The following RAP1GDS1 variants were observed in gnomAD, a reference collection of about 807,000 sequenced individuals.
RAP1GDS1 encodes the protein RAP1, GTP-GDP dissociation stimulator 1.
A neutral mutation model predicts 71.1 loss-of-function variants in RAP1GDS1; 35 were observed. The ratio of observed to expected loss-of-function variants is 0.49; its 90% confidence interval spans 0.38 to 0.65. RAP1GDS1 has a LOEUF of 0.65. Among genes scored for constraint, RAP1GDS1 ranks in the 30% least tolerant of loss-of-function variants. The pLI is 0.00. For missense variants in RAP1GDS1, 663 were observed against 706.1 expected (o/e 0.94, Z 0.69); for synonymous variants, 229 against 243.1 (o/e 0.94, Z 0.54).
intron 1 of RAP1GDS1, among the ~76,000 whole-genome samples, chr4:98,282,111 A>G (rs930780848): frequency 2.6e-5 from 4 of 152,204 alleles, no homozygotes; most frequent in Non-Finnish European, 5.9e-5. Context: ...TATCAGGATG[A>G]TGCTGGCCTC....
Position 98,442,073 on chromosome 4 carries a change from CA to C in RAP1GDS1, c.1781del (p.Gln594ArgfsTer53). ...CAGTCATGAGAACAAAAGTGTTGCC[CA>C]GCAGGCCTCTCTCACAGAGCAGAGA... ...LRSHENKSVA[Q>X]QASLTEQRLT... is the part of the protein sequence containing the mutation. On this transcript the variant is annotated frameshift_variant, in exon 15 of 15. Transcript: ENST00000408927. LOFTEE classifies it high-confidence loss of function. The C allele has an allele frequency of 6.2e-7, 1 of 1,613,928 alleles. No individual in the cohort carries two copies. The highest frequency in any genetic ancestry group is 8.5e-7 in the Non-Finnish European group (1 of 1,179,978).
At chr4:98,317,704 G>C (rs1055112721) in intron 2 of RAP1GDS1, among the ~76,000 whole-genome samples, 4 of 152,112 alleles carry the variant, frequency 2.6e-5, no homozygotes, top group African/African-American at 9.7e-5. Context: ...GGCCACAGGA[G>C]TCGTGCCTTA....
chr4:98,314,714 T>C (rs1730699795), intron 2 of RAP1GDS1, among the ~76,000 whole-genome samples: 1 of 152,136 alleles, frequency 6.6e-6, no homozygotes, highest in African/African-American at 2.4e-5. Flanking sequence ...AAGTAATATA[T>C]AAGTTTTAAT....
chr4:98,326,842 GAAGAA>G (rs1281005865), intron 2 of RAP1GDS1, among the ~76,000 whole-genome samples: 3 of 152,140 alleles, frequency 2.0e-5, no homozygotes, highest in African/African-American at 7.2e-5. Context: ...AAGGTAGGTG[GAAGAA>G]AAGACTTTTG....
rs200013590 is a variant in RAP1GDS1 at position 98,411,448 on chromosome 4, C to CAAAAA, written c.764-5290_764-5286dup. 7.5e-5 allele frequency among the ~76,000 whole-genome samples: 11 copies of CAAAAA among 146,234 alleles called. No individual in the cohort carries two copies. In the South Asian group the frequency reaches 2.2e-3, roughly 29 times the overall value. On this transcript the variant is annotated intron_variant, in intron 7 of 14. Coordinates refer to ENST00000408927, the MANE Select transcript of RAP1GDS1 (RefSeq NM_001100427.2). ...TGGGCAACACAGCAAGACCCTGTCT[C>CAAAAA]AAAAAAAAAAATTAATTAAAATTTT...
At chr4:98,286,337 A>C (rs563348451) in intron 1 of RAP1GDS1, among the ~76,000 whole-genome samples, 1 of 151,972 alleles carries the variant, frequency 6.6e-6, no homozygotes, top group Non-Finnish European at 1.5e-5. Flanking sequence ...ATCCAGACAC[A>C]ATGTATGTGA....
intron 5 of RAP1GDS1, among the ~76,000 whole-genome samples, chr4:98,389,401 T>G (rs1479741560): frequency 6.6e-6 from 1 of 152,094 alleles, no homozygotes; most frequent in African/African-American, 2.4e-5. Context: ...TATTTGAGTA[T>G]GATTATTGTT....
In RAP1GDS1 at chr4:98,360,469, G is replaced by A. The variant is rs1055893212; in HGVS notation, c.361+7868G>A. The stretch of plus-strand genomic sequence containing the variant: ...TCTAATTATAGAGGCCTACTTGGGG[G>A]TTTAAAAACATTTTTTGTCTAAATC... On this transcript the variant is annotated intron_variant, in intron 4 of 14. Transcript: ENST00000408927. Among the ~76,000 whole-genome samples the A allele has an allele frequency of 4.6e-5, 7 of 152,086 alleles. No individual in the cohort carries two copies. In the East Asian group the frequency reaches 1.4e-3, roughly 29 times the overall value.
chr4:98,349,943 A>C (rs949022391), intron 3 of RAP1GDS1, among the ~76,000 whole-genome samples: 1 of 152,240 alleles, frequency 6.6e-6, no homozygotes, highest in Non-Finnish European at 1.5e-5. Context: ...GCTGAAAAGC[A>C]AATGAGTTTT....
At chr4:98,401,961 A>G (rs1017318190) in intron 6 of RAP1GDS1, among the ~76,000 whole-genome samples, 2 of 152,226 alleles carry the variant, frequency 1.3e-5, no homozygotes, top group African/African-American at 2.4e-5. Flanking sequence ...TGATGTCTAT[A>G]TACTTTACCT....
intron 2 of RAP1GDS1, among the ~76,000 whole-genome samples, chr4:98,324,428 T>G (rs972502823): frequency 6.6e-6 from 1 of 151,682 alleles, no homozygotes; most frequent in Non-Finnish European, 1.5e-5. Flanking sequence ...TACTTTAAAG[T>G]TCATATGGAA....
intron 2 of RAP1GDS1, among the ~76,000 whole-genome samples, chr4:98,331,371 AG>A (rs1733995167): frequency 6.6e-6 from 1 of 151,408 alleles, no homozygotes; most frequent in African/African-American, 2.4e-5. Context: ...AGAGAGGGAG[AG>A]GGAGAGAGAG....
Position 98,343,144 on chromosome 4 carries a change from G to T in RAP1GDS1, c.118G>T (p.Glu40Ter). Residue 40 changes from glutamate (E) to a stop codon, truncating the protein, a stop_gained, in exon 3 of 15, where the codon GAA becomes TAA. Transcript: ENST00000408927. LOFTEE classifies it high-confidence loss of function. ...TTTGTATGTATCTCTTTTAGATACG[G>T]AAACAAGTGAAAAAATCCAAGCAAG... ...LLQALAQNNTETSEKIQASGI... is the reference protein window; with the variant it reads ...LLQALAQNNT The T allele has an allele frequency of 6.2e-7, 1 of 1,608,410 alleles. No individual in the cohort carries two copies. Among genetic ancestry groups the T allele is most frequent in the Non-Finnish European group, 8.5e-7 (1 of 1,176,502 alleles).
chr4:98,309,771 TG>T (rs1292353577), intron 2 of RAP1GDS1, among the ~76,000 whole-genome samples: 1 of 151,948 alleles, frequency 6.6e-6, no homozygotes, highest in Non-Finnish European at 1.5e-5. Flanking sequence ...TAATTTTGTG[TG>T]GTTCATGGTC....
chr4:98,393,192 T>C (rs1253610711), intron 6 of RAP1GDS1, among the ~76,000 whole-genome samples: 1 of 152,194 alleles, frequency 6.6e-6, no homozygotes, highest in East Asian at 1.9e-4. Context: ...GTCACTAGTC[T>C]TGGTTTTTCT....
intron 7 of RAP1GDS1, among the ~76,000 whole-genome samples, chr4:98,406,717 G>A (rs185947511): frequency 1.2e-4 from 18 of 152,056 alleles, no homozygotes; most frequent in African/African-American, 4.1e-4. Context: ...AAGTACATAT[G>A]AAACATTTAA....
intron 3 of RAP1GDS1, among the ~76,000 whole-genome samples, chr4:98,347,334 C>G (rs557231724): frequency 6.6e-6 from 1 of 152,066 alleles, no homozygotes; most frequent in African/African-American, 2.4e-5. Flanking sequence ...AGCGTTAACA[C>G]TCTAAATTTA....
chr4:98,440,368 A>G (rs534723195), intron 14 of RAP1GDS1, among the ~76,000 whole-genome samples: 81 of 152,284 alleles, frequency 5.3e-4, no homozygotes, highest in Non-Finnish European at 9.3e-4. Flanking sequence ...ACTAGATCAT[A>G]TGGTCATTCA....
At chr4:98,283,963 A>G (rs529274151) in intron 1 of RAP1GDS1, among the ~76,000 whole-genome samples, 1 of 152,082 alleles carries the variant, frequency 6.6e-6, no homozygotes, top group Non-Finnish European at 1.5e-5. Context: ...TCCTTTGCAC[A>G]GTTCTGATTA....
Sources: allele counts gnomAD v4.1 joint callset (sites outside exome capture counted in the v4.1 genomes callset), GRCh38; gene constraint gnomAD v4.1.1; transcripts MANE v1.5; gene names NCBI Gene and HGNC (gene_info 2026-07-23, HGNC 2026-07-21).